PCDH15: variants seen among roughly 807,000 people sequenced by gnomAD.
The protein encoded by PCDH15 is protocadherin-15.
In PCDH15, 129 loss-of-function variants were observed where a neutral mutation model predicts 178.5. The ratio of observed to expected loss-of-function variants is 0.72; its 90% CI spans 0.63 to 0.84. The LOEUF (loss-of-function observed/expected upper bound fraction) is 0.84. Among genes scored for constraint, PCDH15 ranks in the 40% least tolerant of loss-of-function variants. The pLI is 0.00. For synonymous variants in PCDH15, 800 were observed against 732.0 expected (o/e 1.09, Z -1.50); for missense variants, 2,230 against 2,099.9 (o/e 1.06, Z -1.21).
At chr10:55,198,680 A>G (rs545912255) in intron 1 of PCDH15, among the ~76,000 whole-genome samples, 3 of 150,020 alleles carry the variant, frequency 2.0e-5, no homozygotes, top group Non-Finnish European at 4.4e-5. Context: ...TATTTTTAGT[A>G]GAGATGGGGT....
At chr10:54,812,530 C>T (rs190982541) in intron 3 of PCDH15, among the ~76,000 whole-genome samples, 60 of 152,206 alleles carry the variant, frequency 3.9e-4, no homozygotes, top group African/African-American at 1.4e-3. Flanking sequence ...GCGATCTCAG[C>T]TCACTGCAAC....
chr10:54,717,851 G>A (rs1226636974), intron 1 of PCDH15, among the ~76,000 whole-genome samples: 1 of 143,626 alleles, frequency 7.0e-6, no homozygotes, highest in Non-Finnish European at 1.5e-5. Context: ...GCGAAGACTT[G>A]GAACCAACCC....
intron 2 of PCDH15, among the ~76,000 whole-genome samples, chr10:54,533,060 C>T (rs1279332549): frequency 5.3e-5 from 8 of 152,176 alleles, no homozygotes; most frequent in African/African-American, 1.9e-4. Flanking sequence ...ATAATTATCT[C>T]ACTTTTTTTG....
intron 3 of PCDH15, among the ~76,000 whole-genome samples, chr10:54,442,414 CTATATATATATATATATATATA>C (rs71007859): frequency 6.8e-4 from 13 of 19,192 alleles, no homozygotes; most frequent in Admixed American, 1.6e-3. Flanking sequence ...GCCTTAAAGG[CTATATATATATATATATATATA>C]TATATATATA....
intron 1 of PCDH15, among the ~76,000 whole-genome samples, chr10:54,797,223 G>A (rs1258335247): frequency 6.6e-6 from 1 of 151,978 alleles, no homozygotes; most frequent in Non-Finnish European, 1.5e-5. Context: ...CATACAGAAA[G>A]TTACACCTCC....
intron 3 of PCDH15, among the ~76,000 whole-genome samples, chr10:54,515,628 A>T (rs2082134429): frequency 6.6e-6 from 1 of 152,206 alleles, no homozygotes; most frequent in Admixed American, 6.5e-5. Context: ...CTTTGAAGAG[A>T]GTAGTGGTTC....
rs183935376 is a variant in PCDH15 at position 55,448,488 on chromosome 10, T to A, written c.-156+179137A>T. 2.3e-4 allele frequency among the ~76,000 whole-genome samples: 35 copies of A among 152,120 alleles called. 1 individual carries two copies. In the East Asian group the frequency reaches 6.7e-3, roughly 29 times the overall value. The stretch of plus-strand genomic sequence containing the variant: ...CCAATTTATAAAAATATGGGGCCCG[T>A]GAATAATTACTGCAGCAGACAAAAA... On this transcript the variant is annotated intron_variant, in intron 2 of 5. Coordinates refer to the PCDH15 transcript ENST00000613346.
chr10:54,373,207 T>C (rs1947936003), intron 4 of PCDH15, among the ~76,000 whole-genome samples: 1 of 151,846 alleles, frequency 6.6e-6, no homozygotes, highest in Non-Finnish European at 1.5e-5. Context: ...GGGCAGGGAA[T>C]GCATTTTTGG....
chr10:54,584,474 GA>G (rs2091305094), intron 2 of PCDH15, among the ~76,000 whole-genome samples: 1 of 151,904 alleles, frequency 6.6e-6, no homozygotes, highest in African/African-American at 2.4e-5. Flanking sequence ...TCAAAGTTGA[GA>G]TATATGGAAC....
chr10:54,244,975 C>T (rs2055777007), intron 8 of PCDH15, among the ~76,000 whole-genome samples: 1 of 152,108 alleles, frequency 6.6e-6, no homozygotes, highest in African/African-American at 2.4e-5. Flanking sequence ...CCATTGTGTG[C>T]TCTCATCAGG....
At chr10:55,227,501 C>T (rs1206265380) in intron 1 of PCDH15, among the ~76,000 whole-genome samples, 1 of 147,388 alleles carries the variant, frequency 6.8e-6, no homozygotes, top group Non-Finnish European at 1.5e-5. Flanking sequence ...GGGCAGCAGG[C>T]TTAGAGGGTA....
In PCDH15 at chr10:53,807,108, T is replaced by C. The variant is rs1280496930; in HGVS notation, c.4694A>G (p.Lys1565Arg). The C allele has an allele frequency of 1.2e-6, 2 of 1,601,094 alleles. No homozygotes were observed. The highest frequency in any genetic ancestry group is 1.3e-5 in the African/African-American group (1 of 74,506). The change falls in exon 38 of 38, where the codon AAG becomes AGG. Residue 1565 changes from lysine (K) to arginine (R), a missense_variant. Coordinates refer to ENST00000644397, the MANE Select transcript of PCDH15 (RefSeq NM_001384140.1). ...TTCATACTCTCGATCAACAACTAAC[T>C]TGATCATTCTTTTTCTTGCCCACTG... ...EEEWARKRMIKLVVDREYETS... is the reference protein window; with the variant it reads ...EEEWARKRMIRLVVDREYETS...
rs11004046 is a variant in PCDH15, at chr10:54,080,432, G to A, written c.1998-1008C>T. On this transcript the variant is annotated intron_variant, in intron 16 of 37. Transcript: ENST00000644397. ...ATCTGATATTGTACACATTTTAATCGAGCCTAACAAGTATCCACTGTGTAG... is the reference window on the plus strand; with the variant it reads ...ATCTGATATTGTACACATTTTAATCAAGCCTAACAAGTATCCACTGTGTAG... 6.3e-3 allele frequency among the ~76,000 whole-genome samples: 952 copies of A among 151,940 alleles called. 31 individuals are homozygous for A. In the East Asian group the frequency reaches 0.091, roughly 15 times the overall value.
intron 3 of PCDH15, among the ~76,000 whole-genome samples, chr10:54,514,782 A>T (rs867514427): frequency 1.3e-5 from 2 of 152,192 alleles, no homozygotes; most frequent in Non-Finnish European, 2.9e-5. Flanking sequence ...CAAATAAAAC[A>T]TTTACTTAGC....
intron 2 of PCDH15, among the ~76,000 whole-genome samples, chr10:54,967,499 T>C (rs1337805185): frequency 1.3e-5 from 2 of 152,168 alleles, no homozygotes; most frequent in Non-Finnish European, 2.9e-5. Context: ...AAATTATGTA[T>C]ATTTTGGCTT....
chr10:55,518,335 G>T (rs963113230), intron 2 of PCDH15, among the ~76,000 whole-genome samples: 8 of 152,038 alleles, frequency 5.3e-5, no homozygotes, highest in Non-Finnish European at 7.4e-5. Context: ...GTCAGGCTTT[G>T]TTTATCTTTG....
chr10:55,074,773 C>T (rs1437015787), intron 2 of PCDH15, among the ~76,000 whole-genome samples: 1 of 152,042 alleles, frequency 6.6e-6, no homozygotes, highest in Admixed American at 6.6e-5. Flanking sequence ...TGGCGATTTC[C>T]TCATGAAATC....
intron 1 of PCDH15, among the ~76,000 whole-genome samples, chr10:54,670,096 T>C (rs2094636303): frequency 6.6e-6 from 1 of 152,150 alleles, no homozygotes. Context: ...TTGGGTGCAC[T>C]CTGTCTCAAC....
At chr10:54,920,108 T>C (rs72798556) in intron 2 of PCDH15, among the ~76,000 whole-genome samples, 10,868 of 152,244 alleles carry the variant, frequency 0.071, 590 homozygotes, top group Admixed American at 0.16. Context: ...TCCATACTTT[T>C]TAATATTCTC....
Sources: allele counts gnomAD v4.1 joint callset (sites outside exome capture counted in the v4.1 genomes callset), GRCh38; gene constraint gnomAD v4.1.1; transcripts MANE v1.5; gene names NCBI Gene and HGNC (gene_info 2026-07-23, HGNC 2026-07-21).